The following CDIN1 variants were observed in gnomAD, a reference collection of about 807,000 sequenced individuals.
CDIN1 encodes the protein CDAN1 interacting nuclease 1, also known as CDAN1-interacting nuclease 1.
A neutral mutation model predicts 45.3 loss-of-function variants in CDIN1; 33 were observed. The ratio of observed to expected loss-of-function variants is 0.73; its 90% CI spans 0.55 to 0.97. The LOEUF (loss-of-function observed/expected upper bound fraction) is 0.97, where lower values mean the gene tolerates loss of function less well. Ranked by LOEUF, CDIN1 falls within the 50% of genes least tolerant of loss-of-function variation. CDIN1 has a pLI of 0.00. For synonymous variants in CDIN1, 118 were observed against 124.4 expected, an observed-to-expected ratio of 0.95 and a Z score of 0.34; for missense variants, 303 against 339.4, an observed-to-expected ratio of 0.89 and a Z score of 0.84.
In CDIN1 at chr15:36,703,219, A is replaced by AATATATATATATATAT. The variant is rs71126233; in HGVS notation, c.544+5843_544+5844insATATATATATATATAT. Among the ~76,000 whole-genome samples, 260 of 57,336 alleles carry AATATATATATATATAT rather than the reference A, an allele frequency of 4.5e-3. 61 individuals carry two copies. The highest frequency in any genetic ancestry group is 0.014 in the African/African-American group (181 of 12,484). The allele number at this position is 57,336 out of a possible 152,430, so 37.6% of individuals were successfully genotyped here. On this transcript the variant is annotated intron_variant, in intron 8 of 10. Coordinates refer to ENST00000566621, the MANE Select transcript of CDIN1 (RefSeq NM_001321759.2). ...GGCAATAGAGTGAGACCCTGTCTCA[A>AATATATATATATATAT]ATATATATATATATCAGATATATAT...
chr15:36,682,272 C>T (rs2041877280), intron 5 of CDIN1, among the ~76,000 whole-genome samples: 1 of 151,994 alleles, frequency 6.6e-6, no homozygotes, highest in South Asian at 2.1e-4. Context: ...CAGGAAGAGC[C>T]AAGGTTTCAG....
intron 7 of CDIN1, among the ~76,000 whole-genome samples, chr15:36,692,993 CT>C (rs904261735): frequency 1.3e-5 from 2 of 152,102 alleles, no homozygotes; most frequent in African/African-American, 4.8e-5. Flanking sequence ...TTTCACCCCT[CT>C]TAATAATATA....
intron 1 of CDIN1, chr15:36,617,956 C>T: frequency 2.6e-6 from 2 of 763,886 alleles, no homozygotes; most frequent in Admixed American, 3.4e-5. Flanking sequence ...ATTCTAGTAT[C>T]TATAGTCAGC....
In CDIN1 at chr15:36,799,067, G is replaced by A. The variant is rs1053909150; in HGVS notation, c.717-9257G>A. 2.0e-5 allele frequency: 3 copies of A among 152,278 alleles called. No homozygotes were observed. The Middle Eastern group carries it at 0.01, about 518-fold the overall frequency. 9.4% of individuals were successfully genotyped at this position (152,278 alleles called of 1,614,324 possible). On this transcript the variant is annotated intron_variant, in intron 10 of 10. Transcript: ENST00000566621. ...CTGAAATGATGGGTTTGCCTTTGGC[G>A]TGTTTCCCTGGGGAAATAACTGAGA...
intron 5 of CDIN1, among the ~76,000 whole-genome samples, chr15:36,690,978 T>C (rs1004504708): frequency 1.4e-4 from 22 of 152,102 alleles, no homozygotes; most frequent in African/African-American, 5.1e-4. Flanking sequence ...GTGCCCCCTC[T>C]TCTTCTATAG....
At chr15:36,620,223 C>T (rs1445041771) in intron 1 of CDIN1, among the ~76,000 whole-genome samples, 10 of 152,062 alleles carry the variant, frequency 6.6e-5, no homozygotes, top group East Asian at 1.9e-4. Flanking sequence ...TGGTGGCGGG[C>T]GCCTGTAGGC....
intron 10 of CDIN1, among the ~76,000 whole-genome samples, chr15:36,792,909 C>G (rs994742559): frequency 6.6e-6 from 1 of 152,118 alleles, no homozygotes; most frequent in Non-Finnish European, 1.5e-5. Flanking sequence ...ATTCCCACTC[C>G]ACCTTTAAGC....
At position 36,728,567 on chromosome 15, in the gene CDIN1, T is replaced by A. The variant is rs1232580930; in HGVS notation, c.716+18606T>A. Among the ~76,000 whole-genome samples, 24 of 146,826 alleles carry A rather than the reference T, an allele frequency of 1.6e-4. No homozygotes were observed. In the East Asian group the frequency reaches 2.9e-3, roughly 17 times the overall value. Reference sequence around the variant, plus strand: ...TTTTCTTCCTTTTTTTTTTTTTTTTTAAATGCCACGCTTATTTTTGGTCTC... The same window carrying A: ...TTTTCTTCCTTTTTTTTTTTTTTTTAAAATGCCACGCTTATTTTTGGTCTC... On this transcript the variant is annotated intron_variant, in intron 10 of 10. Transcript: ENST00000566621.
Position 36,637,423 on chromosome 15 carries a change from A to T in CDIN1, c.102-6855A>T, listed in dbSNP as rs142078640. Among the ~76,000 whole-genome samples, 92 of 152,328 alleles carry T rather than the reference A, an allele frequency of 6.0e-4. 1 individual carries two copies. Among genetic ancestry groups the T allele is most frequent in the African/African-American group, 2.0e-3 (83 of 41,570 alleles). ...TCAACTGAAAAAACTTTTGTACTTC[A>T]AAAGGTACCACAAGGAAAATGAAAA... On this transcript the variant is annotated intron_variant, in intron 1 of 10. Transcript: ENST00000566621.
chr15:36,608,976 TATAG>T (rs35140623), intron 1 of CDIN1, among the ~76,000 whole-genome samples: 27,399 of 149,294 alleles, frequency 0.18, 2,612 homozygotes, highest in East Asian at 0.32. Context: ...TATGTGTGTA[TATAG>T]ATAGATAGAT....
intron 10 of CDIN1, among the ~76,000 whole-genome samples, chr15:36,736,262 C>T (rs1196756520): frequency 2.0e-5 from 3 of 152,128 alleles, no homozygotes; most frequent in Non-Finnish European, 2.9e-5. Context: ...TACACTTCTT[C>T]CTTTCCTCAG....
At chr15:36,800,909 G>GTGTATATA (rs1156514805) in intron 10 of CDIN1, among the ~76,000 whole-genome samples, 67 of 22,386 alleles carry the variant, frequency 3.0e-3, no homozygotes, top group Admixed American at 6.6e-3. Context: ...GTGTGTGTGT[G>GTGTATATA]TATATATATA....
chr15:36,762,194 T>C (rs571444379), intron 10 of CDIN1, among the ~76,000 whole-genome samples: 4 of 152,334 alleles, frequency 2.6e-5, no homozygotes, highest in Middle Eastern at 3.4e-3. Flanking sequence ...CTAGACTTCA[T>C]GCCTTTCACT....
intron 1 of CDIN1, among the ~76,000 whole-genome samples, chr15:36,593,815 C>T (rs913591729): frequency 3.9e-5 from 6 of 152,132 alleles, no homozygotes; most frequent in African/African-American, 9.7e-5. Flanking sequence ...CTGCCTGCCT[C>T]GGCCTCCCAA....
At chr15:36,742,551 T>C (rs531332646) in intron 10 of CDIN1, among the ~76,000 whole-genome samples, 10 of 152,346 alleles carry the variant, frequency 6.6e-5, no homozygotes, top group African/African-American at 1.4e-4. Context: ...ACCTTTATTT[T>C]GTGAACTGCT....
intron 5 of CDIN1, among the ~76,000 whole-genome samples, chr15:36,684,106 A>G (rs1295304886): frequency 6.6e-6 from 1 of 151,568 alleles, no homozygotes; most frequent in African/African-American, 2.4e-5. Flanking sequence ...AACTTCCAAC[A>G]CTATGTTGAA....
intron 10 of CDIN1, among the ~76,000 whole-genome samples, chr15:36,752,401 CAAAG>C (rs1443838896): frequency 2.0e-5 from 3 of 152,146 alleles, no homozygotes; most frequent in Non-Finnish European, 4.4e-5. Flanking sequence ...CTCCCAATGA[CAAAG>C]AACGCTATCT....
chr15:36,700,838 G>T (rs1272223070), intron 8 of CDIN1, among the ~76,000 whole-genome samples: 1 of 151,844 alleles, frequency 6.6e-6, no homozygotes, highest in African/African-American at 2.4e-5. Context: ...ACTTTGGGAG[G>T]CTGAGGCAGG....
At chr15:36,596,375 C>G (rs1353082118) in intron 1 of CDIN1, among the ~76,000 whole-genome samples, 1 of 152,052 alleles carries the variant, frequency 6.6e-6, no homozygotes, top group Admixed American at 6.5e-5. Flanking sequence ...TAGAAAGACT[C>G]CATTTTAAAT....
Sources: allele counts gnomAD v4.1 joint callset (sites outside exome capture counted in the v4.1 genomes callset), GRCh38; gene constraint gnomAD v4.1.1; transcripts MANE v1.5; gene names NCBI Gene and HGNC (gene_info 2026-07-23, HGNC 2026-07-21).